The following PCSK5 variants were observed in gnomAD, a reference collection of about 807,000 sequenced individuals.
PCSK5 encodes the protein proprotein convertase subtilisin/kexin type 5.
A neutral mutation model predicts 233.2 loss-of-function variants in PCSK5; 129 were observed. The ratio of observed to expected loss-of-function variants is 0.55; its 90% CI spans 0.48 to 0.64. The LOEUF (loss-of-function observed/expected upper bound fraction) is 0.64, where lower values mean the gene tolerates loss of function less well. Ranked by LOEUF, PCSK5 falls within the 30% of genes least tolerant of loss-of-function variation. The pLI is 0.00. For synonymous variants in PCSK5, 825 were observed against 879.2 expected (o/e 0.94, Z 1.09); for missense variants, 2,076 against 2,430.1 (o/e 0.85, Z 3.06).
intron 20 of PCSK5, among the ~76,000 whole-genome samples, chr9:76,215,817 G>C (rs1825506507): frequency 6.6e-6 from 1 of 152,120 alleles, no homozygotes; most frequent in Non-Finnish European, 1.5e-5. Context: ...GCACACACCT[G>C]TAGTCCCAGC....
intron 20 of PCSK5, among the ~76,000 whole-genome samples, chr9:76,202,995 A>G (rs1330264670): frequency 1.3e-5 from 2 of 152,188 alleles, no homozygotes; most frequent in African/African-American, 4.8e-5. Context: ...AAAATTGAGC[A>G]AATGACAGGA....
intron 10 of PCSK5, among the ~76,000 whole-genome samples, chr9:76,148,335 G>T: frequency 8.5e-6 from 1 of 117,392 alleles, no homozygotes; most frequent in Non-Finnish European, 1.8e-5. Context: ...GAGAGAGAGG[G>T]AGGGAGTTTC....
chr9:75,904,382 A>T (rs1826175310), intron 1 of PCSK5, among the ~76,000 whole-genome samples: 1 of 152,232 alleles, frequency 6.6e-6, no homozygotes, highest in Admixed American at 6.5e-5. Context: ...AATATTTGCA[A>T]ATCATATCTG....
At chr9:76,317,659 T>A (rs1829070331) in intron 30 of PCSK5, among the ~76,000 whole-genome samples, 1 of 152,176 alleles carries the variant, frequency 6.6e-6, no homozygotes, top group Non-Finnish European at 1.5e-5. Flanking sequence ...CCACTAGAGG[T>A]GAAATGGACT....
chr9:76,351,545 GAGAA>G lies in PCSK5; in HGVS notation c.5067+622_5067+625del, dbSNP rs1288745583. Among the ~76,000 whole-genome samples the G allele has an allele frequency of 3.3e-5, 4 of 122,664 alleles. 2 individuals carry two copies. The highest frequency in any genetic ancestry group is 7.2e-5 in the Non-Finnish European group (4 of 55,606). 80.5% of individuals were successfully genotyped at this position (122,664 alleles called of 152,430 possible). On this transcript the variant is annotated intron_variant, in intron 36 of 37. Transcript: ENST00000674117. ...GAAAGAAAGAAAGGAAGGAAAGAAA[GAGAA>G]AGAAGAGAGAGAGAGAAGGAAGGGA...
chr9:76,164,684 G>T (rs1823021606), intron 12 of PCSK5, among the ~76,000 whole-genome samples: 1 of 152,194 alleles, frequency 6.6e-6, no homozygotes, highest in South Asian at 2.1e-4. Flanking sequence ...GGATTTAAAA[G>T]ATCATCCAGC....
At chr9:76,039,130 T>C (rs1828987880) in intron 5 of PCSK5, among the ~76,000 whole-genome samples, 1 of 152,234 alleles carries the variant, frequency 6.6e-6, no homozygotes, top group Non-Finnish European at 1.5e-5. Context: ...ATTTCATGTT[T>C]TCAGATACTG....
chr9:76,193,202 C>T, intron 20 of PCSK5: 1 of 1,604,326 alleles, frequency 6.2e-7, no homozygotes, highest in South Asian at 1.1e-5. Flanking sequence ...CTCTCGTCTT[C>T]AACTCCCCTT....
At chr9:76,161,001 C>T (rs1822828495) in intron 12 of PCSK5, among the ~76,000 whole-genome samples, 1 of 152,066 alleles carries the variant, frequency 6.6e-6, no homozygotes, top group African/African-American at 2.4e-5. Context: ...CTTGAACTCC[C>T]AACCTCAAGT....
chr9:75,958,031 A>C (rs2131337921), intron 2 of PCSK5, among the ~76,000 whole-genome samples: 1 of 152,354 alleles, frequency 6.6e-6, no homozygotes, highest in African/African-American at 2.4e-5. Flanking sequence ...CTTAAATCTC[A>C]GATCTCAGGT....
intron 11 of PCSK5, among the ~76,000 whole-genome samples, chr9:76,157,912 C>T (rs1210951344): frequency 1.3e-5 from 2 of 152,202 alleles, no homozygotes; most frequent in African/African-American, 4.8e-5. Context: ...GGGCTAGACA[C>T]TTCATGTATG....
chr9:76,029,571 G>A (rs958349222), intron 5 of PCSK5, among the ~76,000 whole-genome samples: 14 of 152,106 alleles, frequency 9.2e-5, no homozygotes, highest in African/African-American at 3.1e-4. Flanking sequence ...TATTTTTTAC[G>A]TAGGCTTTTT....
chr9:76,324,128 G>T (rs1587329567), intron 32 of PCSK5, among the ~76,000 whole-genome samples: 1 of 152,098 alleles, frequency 6.6e-6, no homozygotes, highest in East Asian at 1.9e-4. Flanking sequence ...GTTTCACCAT[G>T]TTGACCAGGC....
intron 35 of PCSK5, among the ~76,000 whole-genome samples, chr9:76,339,779 A>G (rs1417303059): frequency 6.6e-6 from 1 of 152,020 alleles, no homozygotes; most frequent in Non-Finnish European, 1.5e-5. Flanking sequence ...TCCTGACCTC[A>G]TGATCCGCCC....
intron 20 of PCSK5, among the ~76,000 whole-genome samples, chr9:76,217,838 G>A (rs1306098653): frequency 2.0e-5 from 3 of 152,132 alleles, no homozygotes; most frequent in Non-Finnish European, 2.9e-5. Flanking sequence ...TAGTAGGCAA[G>A]GAAACACCTG....
chr9:76,038,927 C>G (rs1828979737), intron 5 of PCSK5, among the ~76,000 whole-genome samples: 1 of 152,134 alleles, frequency 6.6e-6, no homozygotes, highest in Non-Finnish European at 1.5e-5. Flanking sequence ...TTCAACCAAC[C>G]TTCCTGCAGG....
At chr9:75,958,797 G>A (rs1164038868) in intron 2 of PCSK5, among the ~76,000 whole-genome samples, 1 of 152,230 alleles carries the variant, frequency 6.6e-6, no homozygotes, top group Non-Finnish European at 1.5e-5. Flanking sequence ...ACTCAGAGTA[G>A]TGTGAAGGTT....
intron 1 of PCSK5, among the ~76,000 whole-genome samples, chr9:75,928,084 T>C (rs1337649653): frequency 6.6e-6 from 1 of 152,182 alleles, no homozygotes; most frequent in African/African-American, 2.4e-5. Flanking sequence ...TGACATTCAT[T>C]GACTTAGAGT....
chr9:76,208,311 C>T lies in PCSK5; in HGVS notation c.2626+18565C>T, dbSNP rs78751398. Among the ~76,000 whole-genome samples the T allele has an allele frequency of 6.2e-3, 947 of 152,216 alleles. 10 individuals carry two copies. The highest frequency in any genetic ancestry group is 0.022 in the African/African-American group (906 of 41,542). ...GTCTGACTGCAATGACCCTGGGTGCCATGTAAAGAAATCTGGGTCATGTTA... is the reference window on the plus strand; with the variant it reads ...GTCTGACTGCAATGACCCTGGGTGCTATGTAAAGAAATCTGGGTCATGTTA... On this transcript the variant is annotated intron_variant, in intron 20 of 37. Transcript: ENST00000674117.
Sources: allele counts gnomAD v4.1 joint callset (sites outside exome capture counted in the v4.1 genomes callset), GRCh38; gene constraint gnomAD v4.1.1; transcripts MANE v1.5; gene names NCBI Gene and HGNC (gene_info 2026-07-23, HGNC 2026-07-21).